The following UQCRC1 variants were observed in gnomAD, a reference collection of about 807,000 sequenced individuals.
UQCRC1 encodes the protein ubiquinol-cytochrome c reductase core protein 1, also known as cytochrome b-c1 complex subunit 1, mitochondrial.
A neutral mutation model predicts 58.0 loss-of-function variants in UQCRC1; 34 were observed. The observed-to-expected ratio is 0.59, with a 90% CI of 0.45 to 0.78. UQCRC1 has a LOEUF of 0.78. UQCRC1 is among the 30% of genes least tolerant of loss of function. The probability of loss-of-function intolerance (pLI) is 0.00; values close to 1 mark genes in which losing one functional copy is unlikely to be tolerated. For missense variants in UQCRC1, 610 were observed against 646.0 expected (o/e 0.94, Z 0.60); for synonymous variants, 276 against 248.8 (o/e 1.11, Z -1.03).
intron 3 of UQCRC1, 101 bp downstream of exon 3, chr3:48,605,669 G>GC: frequency 8.5e-7 from 1 of 1,181,272 alleles, no homozygotes; most frequent in Middle Eastern, 2.1e-4. Flanking sequence ...CATCAGCCCC[G>GC]CAACTGAGGC....
chr3:48,602,859 T>C (rs2046379078), intron 6 of UQCRC1, among the ~76,000 whole-genome samples: 2 of 151,988 alleles, frequency 1.3e-5, no homozygotes, highest in Non-Finnish European at 1.5e-5. Flanking sequence ...TCCTTACCCA[T>C]GTCCAGACCC....
In UQCRC1 at chr3:48,604,791, A is replaced by G. The variant is rs1471773399; in HGVS notation, c.298-11T>C. 1.9e-6 allele frequency: 3 copies of G among 1,613,912 alleles called. No individual in the cohort carries two copies. The highest frequency in any genetic ancestry group is 2.5e-6 in the Non-Finnish European group (3 of 1,179,966). Reference sequence around the variant, plus strand: ...CCGATTCTTTGTTCCCTGGAACCAGATATCAACCAGAACAATCAGGAGCTA... The same window carrying G: ...CCGATTCTTTGTTCCCTGGAACCAGGTATCAACCAGAACAATCAGGAGCTA... On this transcript the variant is annotated splice_polypyrimidine_tract_variant and intron_variant, in intron 3 of 12. Coordinates refer to ENST00000203407, the MANE Select transcript of UQCRC1 (RefSeq NM_003365.3).
Position 48,599,576 on chromosome 3 carries a change from G to C in UQCRC1, c.1378+59C>G, listed in dbSNP as rs559102333. ...GCAGTGCGGGAGCAGAGGTGGAAGG[G>C]GAGGCCAAGAGAACGGCCTGAGGAA... On this transcript the variant is annotated intron_variant, in intron 12 of 12. Coordinates refer to ENST00000203407, the MANE Select transcript of UQCRC1 (RefSeq NM_003365.3). The C allele has an allele frequency of 1.6e-5, 25 of 1,571,246 alleles. No homozygotes were observed. The East Asian group carries it at 2.7e-4, about 17-fold the overall frequency.
chr3:48,603,878 T>G, intron 5 of UQCRC1: 1 of 588,228 alleles, frequency 1.7e-6, no homozygotes, highest in South Asian at 2.0e-5. Flanking sequence ...GCTCATAGTC[T>G]TCTCTGAGAA....
chr3:48,604,203 C>T (rs949018612), intron 5 of UQCRC1, 30 bp downstream of exon 5: 1 of 1,609,364 alleles, frequency 6.2e-7, no homozygotes, highest in African/African-American at 1.3e-5. Context: ...ATGGAGCAAG[C>T]ATCCCCCCAC....
intron 1 of UQCRC1, 48 bp from the exon 2 acceptor site, chr3:48,609,350 C>A (rs759058564): frequency 1.3e-6 from 2 of 1,576,590 alleles, no homozygotes; most frequent in East Asian, 4.5e-5. Context: ...GGGGATCGCT[C>A]CCCACCTCCC....
intron 6 of UQCRC1, 79 bp downstream of exon 6, chr3:48,603,485 T>C (rs1254922781): frequency 2.8e-6 from 4 of 1,446,314 alleles, no homozygotes; most frequent in African/African-American, 2.8e-5. Flanking sequence ...AGGTCCCCTA[T>C]GGTGGGAACC....
At chr3:48,603,455 G>A in intron 6 of UQCRC1, 109 bp downstream of exon 6, 1 of 1,068,338 alleles carries the variant, frequency 9.4e-7, no homozygotes, top group South Asian at 1.4e-5. Flanking sequence ...TAGGGTGGGA[G>A]CAGAGTCCCC....
rs768976832 is a variant in UQCRC1, at chr3:48,603,612, G to C, written c.658C>G (p.Leu220Val). Residue 220 changes from leucine (L) to valine (V), a missense_variant, in exon 6 of 13, where the codon CTC (leucine) becomes GTC (valine). Transcript: ENST00000203407. Reference protein sequence around the residue: ...KLSRADLTEYLSTHYKAPRMV... With the variant: ...KLSRADLTEYVSTHYKAPRMV... ...CGAGGGGCCTTGTAATGTGTGCTGA[G>C]GTACTCGGTCAAGTCTGCACGAGAC... 2.5e-6 allele frequency: 4 copies of C among 1,614,032 alleles called. No individual in the cohort carries two copies.
rs9166 is a variant in UQCRC1 at position 48,599,074 on chromosome 3, G to C, written c.*54C>G. 61 of 1,387,768 alleles carry C rather than the reference G, an allele frequency of 4.4e-5. No individual in the cohort carries two copies. The highest frequency in any genetic ancestry group is 3.2e-4 in the African/African-American group (22 of 68,316). 86.0% of individuals were successfully genotyped at this position (1,387,768 alleles called of 1,614,324 possible). A position where few individuals can be genotyped will look rare whatever the true frequency, so the allele number is the denominator to read the frequency against. Reference sequence around the variant, plus strand: ...GGAGCCGAAGTGCTGTGTTTGTGGTGGGGGGGGGACCACAAACCCCGGCCC... The same window carrying C: ...GGAGCCGAAGTGCTGTGTTTGTGGTCGGGGGGGGACCACAAACCCCGGCCC... On this transcript the variant is annotated 3_prime_UTR_variant, in exon 13 of 13. Transcript: ENST00000203407.
At chr3:48,606,862 A>C (rs556172634) in intron 2 of UQCRC1, among the ~76,000 whole-genome samples, 18 of 151,758 alleles carry the variant, frequency 1.2e-4, no homozygotes, top group Non-Finnish European at 2.1e-4. Context: ...TACTTTCCTA[A>C]GTACTTTTTT....
rs547621197 is a variant in UQCRC1, at chr3:48,609,615, C to T, written c.6G>A (p.Ala2=). 4 of 1,567,546 alleles carry T rather than the reference C, an allele frequency of 2.6e-6. No homozygotes were observed. Among genetic ancestry groups the T allele is most frequent in the African/African-American group, 1.4e-5 (1 of 73,926 alleles). M[A]ASVVCRAATA... ...TAGCGGCCCGACAGACCACGGACGC[C>T]GCCATCTTCCAGCTGCAGTCGGCCC... is the stretch of plus-strand genomic sequence containing the variant. Residue 2 remains alanine (A), a synonymous_variant, in exon 1 of 13, where the codon GCG becomes GCA. Transcript: ENST00000203407.
chr3:48,606,001 T>G, intron 2 of UQCRC1, 145 bp from the exon 3 acceptor site: 2 of 705,030 alleles, frequency 2.8e-6, no homozygotes, highest in South Asian at 4.1e-5. Context: ...AGGACCCCTG[T>G]GCTTGGGGAC....
intron 6 of UQCRC1, among the ~76,000 whole-genome samples, chr3:48,602,168 A>G (rs1178462833): frequency 2.0e-5 from 3 of 151,468 alleles, no homozygotes; most frequent in Non-Finnish European, 4.4e-5. Flanking sequence ...CTCCTGCCTC[A>G]GCCTCCCGAG....
At position 48,600,821 on chromosome 3, in the gene UQCRC1, G is replaced by A; in HGVS notation, c.986C>T (p.Ala329Val). Residue 329 changes from alanine (A) to valine (V), a missense_variant, in exon 9 of 13, where the codon GCT becomes GTT. By Grantham distance (64) the Ala-to-Val change is moderately conservative. Transcript: ENST00000203407. ...TAGCTTGTTGGCCACAGCACCTGAA[G>A]CCAGTGGGCTGGACAGGTGCTGCCA... ...GGGVHLSSPL[A>V]SGAVANKLCQ... 1.2e-6 allele frequency: 2 copies of A among 1,613,982 alleles called. No homozygotes were observed. Among genetic ancestry groups the A allele is most frequent in the South Asian group, 1.1e-5 (1 of 91,088 alleles).
intron 2 of UQCRC1, among the ~76,000 whole-genome samples, chr3:48,606,765 G>C (rs1365416571): frequency 6.7e-6 from 1 of 150,138 alleles, no homozygotes; most frequent in Non-Finnish European, 1.5e-5. Context: ...AAATGTAAAA[G>C]AAACACGTAC....
chr3:48,600,442 A>T (rs1353367662), intron 10 of UQCRC1, 40 bp downstream of exon 10: 2 of 1,610,358 alleles, frequency 1.2e-6, no homozygotes, highest in Admixed American at 3.3e-5. Flanking sequence ...GTCGCTGGCA[A>T]GATGTACTCT....
At position 48,601,352 on chromosome 3, in the gene UQCRC1, C is replaced by T. The variant is rs925686671; in HGVS notation, c.822G>A (p.Glu274=). ...TACTCCTGCCCAAAAGGCAGCATAC[C>T]TCACTGCCAGTGAAGCGGCATGGAG... ...TLTPCRFTGS[E]IRHRDDALPF... Residue 274 remains glutamate (E), a splice_region_variant and synonymous_variant, in exon 7 of 13, where the codon GAG becomes GAA. Transcript: ENST00000203407. The T allele has an allele frequency of 6.2e-7, 1 of 1,613,998 alleles. No homozygotes were observed. Among genetic ancestry groups the T allele is most frequent in the Non-Finnish European group, 8.5e-7 (1 of 1,179,904 alleles).
intron 12 of UQCRC1, 148 bp from the exon 13 acceptor site, chr3:48,599,340 G>A: frequency 1.0e-6 from 1 of 954,406 alleles, no homozygotes; most frequent in Non-Finnish European, 1.5e-6. Context: ...TCCCCCAGGG[G>A]TGCTGAGCCT....
Sources: gnomAD v4.1 joint callset for allele counts (sites outside exome capture counted in the v4.1 genomes callset) on GRCh38, gnomAD v4.1.1 for gene constraint, MANE v1.5 for transcripts, NCBI Gene and HGNC (gene_info 2026-07-23, HGNC 2026-07-21) for gene names.